Variants in CLIP2 observed in about 807,000 individuals in gnomAD.
The protein encoded by CLIP2 is CAP-Gly domain-containing linker protein 2.
In CLIP2, 41 loss-of-function variants were observed where a neutral mutation model predicts 111.7. The ratio of observed to expected loss-of-function variants is 0.37; its 90% CI spans 0.29 to 0.48. The LOEUF is 0.48. Ranked by LOEUF, CLIP2 falls within the 20% of genes least tolerant of loss-of-function variation. The pLI is 0.99. For missense variants in CLIP2, 1,160 were observed against 1,422.1 expected (o/e 0.82, Z 2.96); for synonymous variants, 660 against 644.2 (o/e 1.02, Z -0.37).
At chr7:74,380,676 C>T (rs1393919993) in intron 10 of CLIP2, 130 bp from the exon 11 acceptor site, 10 of 706,434 alleles carry the variant, frequency 1.4e-5, no homozygotes, top group Non-Finnish European at 2.1e-5. Context: ...CAGCAAGTCC[C>T]TGAGTCCGTC....
intron 1 of CLIP2, among the ~76,000 whole-genome samples, chr7:74,300,549 A>G (rs1184600853): frequency 6.8e-6 from 1 of 147,178 alleles, no homozygotes; most frequent in Non-Finnish European, 1.5e-5. Context: ...TCCGCCTCCC[A>G]GGTTCACGCC....
intron 8 of CLIP2, among the ~76,000 whole-genome samples, chr7:74,370,143 G>T (rs12056124): frequency 1.9e-5 from 1 of 52,908 alleles, no homozygotes; most frequent in Admixed American, 2.0e-4. Flanking sequence ...GTAACAGAGC[G>T]AGACTCTGCC....
At position 74,340,202 on chromosome 7, in the gene CLIP2, C is replaced by G. The variant is rs1262596173; in HGVS notation, c.678+1198C>G. ...TCTGAGGTCAGGAGTTTGAGACCAG[C>G]CTTGCCAACATGGCGAAACACCATC... On this transcript the variant is annotated intron_variant, in intron 3 of 16. Transcript: ENST00000223398. Among the ~76,000 whole-genome samples, 3 of 152,162 alleles carry G rather than the reference C, an allele frequency of 2.0e-5. No individual in the cohort carries two copies. In the East Asian group the frequency reaches 5.8e-4, roughly 29 times the overall value.
chr7:74,358,710 T>C (rs930535954), intron 6 of CLIP2, among the ~76,000 whole-genome samples: 26 of 151,858 alleles, frequency 1.7e-4, no homozygotes, highest in Admixed American at 3.9e-4. Flanking sequence ...GCTGGGACTA[T>C]AGGTGCACGC....
rs2522943 is a variant in CLIP2 at position 74,400,419 on chromosome 7, G to T, written c.2930G>T (p.Arg977Leu). 56 of 1,613,718 alleles carry T rather than the reference G, an allele frequency of 3.5e-5. No homozygotes were observed. The highest frequency in any genetic ancestry group is 4.3e-5 in the Non-Finnish European group (51 of 1,179,838). The change falls in exon 15 of 17, where the codon CGG (arginine) becomes CTG (leucine). Residue 977 changes from arginine (R) to leucine (L), a missense_variant. Physicochemically the swap from Arg to Leu is moderately radical, Grantham distance 102 (BLOSUM62 -2). This residue lies in a region of CLIP2 where 676 missense variants were observed against 777.8 expected (regional missense o/e 0.87). Transcript: ENST00000223398. ...CAGAGGCGCTACTCCCTCATCGACC[G>T]GTCCTCGGCGCCCGAGCTTCTGCGG... is the stretch of plus-strand genomic sequence containing the variant. ...SDQRRYSLID[R>L]SSAPELLRLQ... is the part of the protein sequence containing the mutation.
rs535474487 is a variant in CLIP2, at chr7:74,395,823, A to C, written c.2721-1251A>C. ...AGTAGCAGAGATTTCCTTTTCTTACATAACAAGAAATCTGGAGGTAGCTGT... is the reference window on the plus strand; with the variant it reads ...AGTAGCAGAGATTTCCTTTTCTTACCTAACAAGAAATCTGGAGGTAGCTGT... On this transcript the variant is annotated intron_variant, in intron 13 of 16. Transcript: ENST00000223398. 4.2e-5 allele frequency among the ~76,000 whole-genome samples: 6 copies of C among 142,348 alleles called. No individual in the cohort carries two copies. The South Asian group carries it at 1.4e-3, about 32-fold the overall frequency. The allele number at this position is 142,348 out of a possible 152,430, so 93.4% of individuals were successfully genotyped here. A position where few individuals can be genotyped will look rare whatever the true frequency, so the allele number is the denominator to read the frequency against.
rs1351994616 is a variant in CLIP2, at chr7:74,341,307, C to T, written c.678+2303C>T. ...GGTTCAAGCAATCCTCCTGCCTCAG[C>T]CTCCCGAGTAGCTGGGGCTACAGGC... On this transcript the variant is annotated intron_variant, in intron 3 of 16. Transcript: ENST00000223398. Among the ~76,000 whole-genome samples, 8 of 152,258 alleles carry T rather than the reference C, an allele frequency of 5.3e-5. No individual in the cohort carries two copies. In the South Asian group the frequency reaches 1.2e-3, roughly 24 times the overall value.
chr7:74,329,070 G>C (rs1485529671), intron 2 of CLIP2, among the ~76,000 whole-genome samples: 3 of 145,806 alleles, frequency 2.1e-5, no homozygotes, highest in Non-Finnish European at 3.0e-5. Context: ...ATCATGCCTG[G>C]CTAATTTTTT....
intron 4 of CLIP2, among the ~76,000 whole-genome samples, chr7:74,354,377 G>A (rs1218738946): frequency 6.6e-6 from 1 of 152,164 alleles, no homozygotes. Context: ...CTTTTGGGAG[G>A]CTGAGGCAGG....
rs1385491479 is a variant in CLIP2 at position 74,330,246 on chromosome 7, TTC to T, written c.122-8200_122-8199del. 1.2e-4 allele frequency among the ~76,000 whole-genome samples: 11 copies of T among 91,780 alleles called. No individual in the cohort carries two copies. The South Asian group carries it at 1.8e-3, about 15-fold the overall frequency. 60.2% of individuals were successfully genotyped at this position (91,780 alleles called of 152,430 possible). On this transcript the variant is annotated intron_variant, in intron 2 of 16. Transcript: ENST00000223398. ...GCCTAGCTTCCTCTTGGTGTTTCTT[TTC>T]TTTTTTTTTTTTTTCTTTCTTTTTT...
chr7:74,302,899 C>T lies in CLIP2; in HGVS notation c.-68+13165C>T, dbSNP rs139816610. Among the ~76,000 whole-genome samples, 365 of 152,336 alleles carry T rather than the reference C, an allele frequency of 2.4e-3. 1 individual carries two copies. The highest frequency in any genetic ancestry group is 8.3e-3 in the African/African-American group (344 of 41,584). On this transcript the variant is annotated intron_variant, in intron 1 of 16. Coordinates refer to ENST00000223398, the MANE Select transcript of CLIP2 (RefSeq NM_003388.5). The stretch of plus-strand genomic sequence containing the variant: ...GCCAATGGGTGCTCTCAGGGCAGCT[C>T]GGGATTTATCCCCACCCCATTCTTC...
chr7:74,400,298 G>A, intron 14 of CLIP2, 72 bp from the exon 15 acceptor site: 1 of 1,340,252 alleles, frequency 7.5e-7, no homozygotes. Context: ...AGACTTTCCT[G>A]CCTAGAGTTG....
At chr7:74,351,657 G>A (rs1380024106) in intron 3 of CLIP2, among the ~76,000 whole-genome samples, 4 of 151,824 alleles carry the variant, frequency 2.6e-5, no homozygotes, top group South Asian at 2.1e-4. Context: ...CCAACATGGC[G>A]AAACCCCGTC....
At chr7:74,381,376 A>G (rs1790941893) in intron 11 of CLIP2, among the ~76,000 whole-genome samples, 1 of 151,884 alleles carries the variant, frequency 6.6e-6, no homozygotes, top group Non-Finnish European at 1.5e-5. Flanking sequence ...TTTAGTAGAG[A>G]CGGGGTTTCA....
At position 74,401,583 on chromosome 7, in the gene CLIP2, G is replaced by A; in HGVS notation, c.3129+16G>A. On this transcript the variant is annotated intron_variant, in intron 16 of 16. Transcript: ENST00000223398. ...GAAACAAGAGGTGAGGGGCGCCTCG[G>A]GCCTCCCAGGTCCCTCCCGTGCAGG... 6.2e-7 allele frequency: 1 copy of A among 1,612,780 alleles called. No individual in the cohort carries two copies. Among genetic ancestry groups the A allele is most frequent in the East Asian group, 2.2e-5 (1 of 44,848 alleles).
chr7:74,389,034 G>T, intron 12 of CLIP2, 69 bp from the exon 13 acceptor site: 5 of 1,522,760 alleles, frequency 3.3e-6, no homozygotes, highest in Non-Finnish European at 3.5e-6. Flanking sequence ...CCAGGTCTTT[G>T]CCCTTGGGTG....
In CLIP2 at chr7:74,400,443, G is replaced by A. The variant is rs782545372; in HGVS notation, c.2954G>A (p.Arg985Gln). The A allele has an allele frequency of 2.8e-5, 45 of 1,614,092 alleles. No homozygotes were observed. The highest frequency in any genetic ancestry group is 3.4e-5 in the Non-Finnish European group (40 of 1,179,932). The change falls in exon 15 of 17, where the codon CGG becomes CAG. Residue 985 changes from arginine (R) to glutamine (Q), a missense_variant. By Grantham distance (43) the Arg-to-Gln change is conservative (BLOSUM62 1). This residue lies in a region of CLIP2 where 676 missense variants were observed against 777.8 expected (regional missense o/e 0.87). Coordinates refer to ENST00000223398, the MANE Select transcript of CLIP2 (RefSeq NM_003388.5). The stretch of plus-strand genomic sequence containing the variant: ...CGGTCCTCGGCGCCCGAGCTTCTGC[G>A]GCTGCAGCACCAGCTGATGAGCACG... ...IDRSSAPELL[R>Q]LQHQLMSTED...
intron 2 of CLIP2, among the ~76,000 whole-genome samples, chr7:74,324,702 C>T (rs1207515582): frequency 1.3e-5 from 2 of 152,066 alleles, no homozygotes; most frequent in Admixed American, 6.6e-5. Flanking sequence ...ACTAGACTCC[C>T]AGGCTGGGGA....
At chr7:74,394,307 G>C (rs1017485724) in intron 13 of CLIP2, among the ~76,000 whole-genome samples, 1 of 140,430 alleles carries the variant, frequency 7.1e-6, no homozygotes, top group Non-Finnish European at 1.5e-5. Context: ...CTGGAGTGCA[G>C]TGGCACAATC....
Sources: gnomAD v4.1 joint callset for allele counts (sites outside exome capture counted in the v4.1 genomes callset) on GRCh38, gnomAD v4.1.1 for gene constraint, gnomAD v4.1.1 regional missense constraint, MANE v1.5 for transcripts, NCBI Gene and HGNC (gene_info 2026-07-23, HGNC 2026-07-21) for gene names.